The following RGPD1 variants were observed in gnomAD, a reference collection of about 807,000 sequenced individuals.
RGPD1 encodes the protein RANBP2-like and GRIP domain-containing protein 1.
In RGPD1, 7 loss-of-function variants were observed where a neutral mutation model predicts 40.6. That is an observed-to-expected ratio of 0.17 (90% CI 0.10 to 0.32). RGPD1 has a LOEUF of 0.32. Among genes scored for constraint, RGPD1 ranks in the 10% least tolerant of loss-of-function variants. RGPD1 has a pLI of 1.00. For missense variants in RGPD1, 50 were observed against 472.5 expected (o/e 0.11, Z 8.29); for synonymous variants, 24 against 167.0 (o/e 0.14, Z 6.60).
exon 1 of RGPD1, chr2:86,913,851 T>G: frequency 6.3e-6 from 10 of 1,577,442 alleles, no homozygotes; most frequent in Non-Finnish European, 7.7e-6. Context: ...GGCGGTGCGA[T>G]GAGGCGCAGC....
At chr2:86,943,131 AGT>A (rs1680034039) in intron 1 of RGPD1, among the ~76,000 whole-genome samples, 1 of 151,052 alleles carries the variant, frequency 6.6e-6, no homozygotes, top group Non-Finnish European at 1.5e-5. Context: ...GGCTGTGTCG[AGT>A]GACAACGTAG....
At chr2:86,978,073 T>C (rs1268106675) in intron 17 of RGPD1, 142 bp downstream of exon 17, 1 of 1,162,934 alleles carries the variant, frequency 8.6e-7, no homozygotes. Flanking sequence ...GTCTTTTTTT[T>C]TTTTTTTTTT....
upstream of RGPD1, among the ~76,000 whole-genome samples, chr2:86,942,000 C>T (rs1179798153): frequency 3.3e-5 from 5 of 151,870 alleles, no homozygotes; most frequent in Non-Finnish European, 5.9e-5. Flanking sequence ...GCGTGAGCCA[C>T]GGCGCCCGGC....
chr2:86,929,901 C>T lies in RGPD1; in HGVS notation c.72+15980C>T, dbSNP rs560363752. Among the ~76,000 whole-genome samples, 3 of 140,468 alleles carry T rather than the reference C, an allele frequency of 2.1e-5. No homozygotes were observed. The South Asian group carries it at 7.4e-4, about 35-fold the overall frequency. 92.2% of individuals were successfully genotyped at this position (140,468 alleles called of 152,430 possible). A position where few individuals can be genotyped will look rare whatever the true frequency, so the allele number is the denominator to read the frequency against. On this transcript the variant is annotated intron_variant, in intron 1 of 22. Transcript: ENST00000398193. ...TGGGACTAGGGCTGTTTCTGGTGGG[C>T]AAGTAACCCATCCACCCTCTCAAAA... is the stretch of plus-strand genomic sequence containing the variant.
intron 1 of RGPD1, among the ~76,000 whole-genome samples, chr2:86,942,990 C>T (rs1364892904): frequency 6.6e-6 from 1 of 151,910 alleles, no homozygotes; most frequent in Non-Finnish European, 1.5e-5. Flanking sequence ...GGGGCTTGGG[C>T]ACCCGGGTGC....
At chr2:86,941,370 T>G (rs1400026796), upstream of RGPD1, among the ~76,000 whole-genome samples, 1 of 151,162 alleles carries the variant, frequency 6.6e-6, no homozygotes, top group East Asian at 1.9e-4. Flanking sequence ...ATATATAGAT[T>G]TGGGGGGCTA....
At chr2:86,944,131 C>G (rs1057099032) in intron 1 of RGPD1, among the ~76,000 whole-genome samples, 1 of 152,236 alleles carries the variant, frequency 6.6e-6, no homozygotes, top group African/African-American at 2.4e-5. Flanking sequence ...CTTCCAGCAA[C>G]CCTGTGGATA....
chr2:86,934,666 C>T lies in RGPD1; in HGVS notation c.73-16630C>T, dbSNP rs573571289. 53 of 193,516 alleles carry T rather than the reference C, an allele frequency of 2.7e-4. 2 individuals are homozygous for T. The highest frequency in any genetic ancestry group is 5.1e-4 in the African/African-American group (21 of 40,988). The allele number at this position is 193,516 out of a possible 1,614,324, so 12.0% of individuals were successfully genotyped here. On this transcript the variant is annotated intron_variant, in intron 1 of 22. Transcript: ENST00000398193. ...GTCCAAGGAATCAAGGCAGGATTTT[C>T]GATGAGCCCTCGGCAGTTAGGGTAA...
intron 6 of RGPD1, among the ~76,000 whole-genome samples, chr2:86,962,444 G>T (rs1303284206): frequency 9.1e-6 from 1 of 110,276 alleles, no homozygotes; most frequent in Non-Finnish European, 1.7e-5. Flanking sequence ...GGAGGTGGAG[G>T]TTGCAGTGAG....
At chr2:86,914,418 G>GGGCGGC (rs1175704937) in intron 1 of RGPD1, among the ~76,000 whole-genome samples, 1 of 9,836 alleles carries the variant, frequency 1.0e-4, no homozygotes, top group Non-Finnish European at 1.9e-4. Flanking sequence ...CGACCTGGCC[G>GGGCGGC]GGCGGCGGCG....
intron 1 of RGPD1, among the ~76,000 whole-genome samples, chr2:86,925,958 T>G (rs539250184): frequency 6.6e-6 from 1 of 152,270 alleles, no homozygotes; most frequent in South Asian, 2.1e-4. Context: ...TTCCTTTAAA[T>G]ATTTTCACAC....
chr2:86,944,672 C>T (rs1176899848), intron 1 of RGPD1, among the ~76,000 whole-genome samples: 2 of 151,672 alleles, frequency 1.3e-5, no homozygotes, highest in Non-Finnish European at 2.9e-5. Context: ...CTCCACTTCC[C>T]AAAGTGTTGG....
At chr2:86,923,373 T>A (rs1395564223) in intron 1 of RGPD1, among the ~76,000 whole-genome samples, 1 of 151,412 alleles carries the variant, frequency 6.6e-6, no homozygotes, top group Non-Finnish European at 1.5e-5. Context: ...TCCAAATATG[T>A]TTTTTTAAAT....
At chr2:86,988,301 G>A (rs1207403703) in intron 20 of RGPD1, among the ~76,000 whole-genome samples, 5 of 128,634 alleles carry the variant, frequency 3.9e-5, no homozygotes, top group East Asian at 5.0e-4. Flanking sequence ...AAAATGAGCC[G>A]GGCGTGGTGG....
At chr2:86,960,721 C>G (rs1357970509) in intron 6 of RGPD1, among the ~76,000 whole-genome samples, 1 of 94,064 alleles carries the variant, frequency 1.1e-5, no homozygotes, top group Non-Finnish European at 1.9e-5. Flanking sequence ...TCCCGAGTAG[C>G]TGGGCCTACA....
chr2:86,942,355 C>A (rs1473653470), intron 1 of RGPD1, 47 bp downstream of exon 1: 6 of 1,303,372 alleles, frequency 4.6e-6, no homozygotes, highest in Non-Finnish European at 4.9e-6. Context: ...GGCCGGGCGG[C>A]GGCCTCGACC....
rs557299817 is a variant in RGPD1 at position 86,923,540 on chromosome 2, G to A, written c.72+9619G>A. 2.7e-5 allele frequency among the ~76,000 whole-genome samples: 4 copies of A among 149,804 alleles called. No homozygotes were observed. The South Asian group carries it at 6.4e-4, about 24-fold the overall frequency. Reference sequence around the variant, plus strand: ...TGCGGTTTTTTTTTTTTGAGACGGAGTCTCGCCTTATCGCCTAGGCTGGAG... The same window carrying A: ...TGCGGTTTTTTTTTTTTGAGACGGAATCTCGCCTTATCGCCTAGGCTGGAG... On this transcript the variant is annotated intron_variant, in intron 1 of 22. Transcript: ENST00000398193.
At chr2:86,942,696 G>C (rs1267285809) in intron 1 of RGPD1, among the ~76,000 whole-genome samples, 1 of 147,282 alleles carries the variant, frequency 6.8e-6, no homozygotes, top group Non-Finnish European at 1.5e-5. Context: ...GGCGGCGGTG[G>C]CCTCGACGTG....
At chr2:86,943,275 C>CA (rs1680056293) in intron 1 of RGPD1, among the ~76,000 whole-genome samples, 4 of 103,512 alleles carry the variant, frequency 3.9e-5, no homozygotes, top group Non-Finnish European at 5.8e-5. Flanking sequence ...CCTCCCTCGC[C>CA]CCCCCCCCAC....
Sources: gnomAD v4.1 joint callset for allele counts (sites outside exome capture counted in the v4.1 genomes callset) on GRCh38, gnomAD v4.1.1 for gene constraint, MANE v1.5 for transcripts, NCBI Gene and HGNC (gene_info 2026-07-23, HGNC 2026-07-21) for gene names.